ADCY2: variants seen among roughly 807,000 people sequenced by gnomAD.
ADCY2 encodes adenylate cyclase type 2.
Under a neutral mutation model 125.2 loss-of-function variants are expected in ADCY2, and 31 were observed. The ratio of observed to expected loss-of-function variants is 0.25; its 90% confidence interval spans 0.19 to 0.33. The LOEUF is 0.33. Ranked by LOEUF, ADCY2 falls within the 10% of genes least tolerant of loss-of-function variation. The pLI, the probability that ADCY2 is intolerant of heterozygous loss-of-function variation, is 1.00. For missense variants in ADCY2, 904 were observed against 1,418.2 expected (o/e 0.64, Z 5.82); for synonymous variants, 512 against 548.4 (o/e 0.93, Z 0.93).
intron 2 of ADCY2, among the ~76,000 whole-genome samples, chr5:7,441,979 T>A (rs1315303422): frequency 6.6e-6 from 1 of 152,212 alleles, no homozygotes; most frequent in Non-Finnish European, 1.5e-5. Flanking sequence ...AGTGAATCCC[T>A]TAAACTCTCT....
At chr5:7,497,195 A>T (rs1184899879) in intron 2 of ADCY2, among the ~76,000 whole-genome samples, 1 of 152,222 alleles carries the variant, frequency 6.6e-6, no homozygotes, top group Admixed American at 6.5e-5. Context: ...ACATGCAAGT[A>T]TGGGAAGATT....
intron 4 of ADCY2, 55 bp from the exon 5 acceptor site, chr5:7,690,636 G>T: frequency 2.9e-6 from 4 of 1,400,232 alleles, no homozygotes; most frequent in Admixed American, 2.9e-5. Flanking sequence ...ATGTTATTTG[G>T]TCATCCCCCG....
chr5:7,700,852 G>A (rs1209165219), intron 7 of ADCY2, among the ~76,000 whole-genome samples: 1 of 152,004 alleles, frequency 6.6e-6, no homozygotes, highest in Non-Finnish European at 1.5e-5. Context: ...TCAGAAATGG[G>A]AGGGAAATGA....
chr5:7,526,327 G>C (rs1734456834), intron 3 of ADCY2, among the ~76,000 whole-genome samples: 1 of 152,228 alleles, frequency 6.6e-6, no homozygotes, highest in Non-Finnish European at 1.5e-5. Context: ...AGGCTGGGAA[G>C]GGAAGCGGGT....
At chr5:7,565,597 G>C (rs140657168) in intron 3 of ADCY2, among the ~76,000 whole-genome samples, 2 of 152,322 alleles carry the variant, frequency 1.3e-5, no homozygotes, top group Admixed American at 6.5e-5. Flanking sequence ...CACAATTGTA[G>C]TTTGAGCTAC....
chr5:7,486,758 A>G (rs1411704113), intron 2 of ADCY2, among the ~76,000 whole-genome samples: 3 of 152,210 alleles, frequency 2.0e-5, no homozygotes, highest in African/African-American at 7.2e-5. Flanking sequence ...ACATACTGCC[A>G]TTGGAGCAAG....
At chr5:7,792,973 G>C (rs1361561419) in intron 20 of ADCY2, among the ~76,000 whole-genome samples, 1 of 152,198 alleles carries the variant, frequency 6.6e-6, no homozygotes, top group Non-Finnish European at 1.5e-5. Context: ...GGTGGGATAC[G>C]CATGAGAGGG....
chr5:7,640,466 G>A (rs1738659787), intron 4 of ADCY2, among the ~76,000 whole-genome samples: 1 of 152,134 alleles, frequency 6.6e-6, no homozygotes, highest in African/African-American at 2.4e-5. Context: ...TACTTCATCA[G>A]CTGACAGAAA....
intron 3 of ADCY2, among the ~76,000 whole-genome samples, chr5:7,601,320 G>GAA (rs11412492): frequency 6.6e-6 from 1 of 150,842 alleles, no homozygotes; most frequent in African/African-American, 2.4e-5. Context: ...GAATTAAAAA[G>GAA]AAAAAAAAAC....
rs574578322 is a variant in ADCY2 at position 7,563,164 on chromosome 5, G to T, written c.570+42265G>T. Among the ~76,000 whole-genome samples the T allele has an allele frequency of 7.2e-5, 11 of 152,264 alleles. No individual in the cohort carries two copies. In the Middle Eastern group the frequency reaches 0.01, roughly 141 times the overall value. ...AAGTAGAGTTAAAAGGAATTAGCAG[G>T]TTACATGGTTTTAATGGAACCAACA... On this transcript the variant is annotated intron_variant, in intron 3 of 24. Transcript: ENST00000338316.
chr5:7,550,964 A>G (rs1735312462), intron 3 of ADCY2, among the ~76,000 whole-genome samples: 1 of 152,272 alleles, frequency 6.6e-6, no homozygotes, highest in East Asian at 1.9e-4. Context: ...CACTTGATTT[A>G]AGAAGCATTT....
At chr5:7,820,164 T>C (rs1376954045) in intron 23 of ADCY2, among the ~76,000 whole-genome samples, 1 of 152,150 alleles carries the variant, frequency 6.6e-6, no homozygotes, top group Non-Finnish European at 1.5e-5. Flanking sequence ...TGGAACAGTA[T>C]TGGGGCTGTT....
chr5:7,588,344 A>G (rs1736700749), intron 3 of ADCY2, among the ~76,000 whole-genome samples: 1 of 152,250 alleles, frequency 6.6e-6, no homozygotes, highest in African/African-American at 2.4e-5. Context: ...ACATATTACA[A>G]CAAGGCCAAT....
chr5:7,533,476 T>C (rs1579545385), intron 3 of ADCY2, among the ~76,000 whole-genome samples: 2 of 152,272 alleles, frequency 1.3e-5, no homozygotes, highest in East Asian at 3.9e-4. Flanking sequence ...CATTTTTATC[T>C]TGATTTTTTA....
intron 2 of ADCY2, among the ~76,000 whole-genome samples, chr5:7,492,966 T>C (rs890112900): frequency 6.6e-6 from 1 of 152,120 alleles, no homozygotes; most frequent in Non-Finnish European, 1.5e-5. Flanking sequence ...CCGGGCTGCA[T>C]CCTGAGTTCA....
intron 3 of ADCY2, among the ~76,000 whole-genome samples, chr5:7,607,726 A>G (rs1737427886): frequency 6.6e-6 from 1 of 152,236 alleles, no homozygotes; most frequent in South Asian, 2.1e-4. Context: ...TATGATGGTG[A>G]TGTTTTTATT....
chr5:7,725,350 C>T (rs939650652), intron 13 of ADCY2, among the ~76,000 whole-genome samples: 6 of 152,102 alleles, frequency 3.9e-5, no homozygotes, highest in South Asian at 2.1e-4. Flanking sequence ...TGGTAGCATT[C>T]GCAGCTCTGG....
chr5:7,765,440 G>A (rs945837006), intron 16 of ADCY2, among the ~76,000 whole-genome samples: 2 of 152,100 alleles, frequency 1.3e-5, no homozygotes, highest in Non-Finnish European at 2.9e-5. Flanking sequence ...ATTTTTACAA[G>A]TTCTTTCATC....
chr5:7,786,168 T>G (rs1744077394), intron 19 of ADCY2, among the ~76,000 whole-genome samples: 1 of 152,208 alleles, frequency 6.6e-6, no homozygotes, highest in African/African-American at 2.4e-5. Context: ...TCACCGAATC[T>G]ATATAAGACA....
Sources: gnomAD v4.1 joint callset for allele counts (sites outside exome capture counted in the v4.1 genomes callset) on GRCh38, gnomAD v4.1.1 for gene constraint, MANE v1.5 for transcripts, NCBI Gene and HGNC (gene_info 2026-07-23, HGNC 2026-07-21) for gene names.